Variants in RBMS3 observed in about 807,000 individuals in gnomAD.
RBMS3 encodes RNA binding motif single stranded interacting protein 3.
Under a neutral mutation model 66.8 loss-of-function variants are expected in RBMS3, and 27 were observed. That is an observed-to-expected ratio of 0.40 (90% CI 0.30 to 0.56). The LOEUF is 0.56. Among genes scored for constraint, RBMS3 ranks in the 20% least tolerant of loss-of-function variants. The pLI is 0.40. For missense variants in RBMS3, 513 were observed against 549.5 expected (o/e 0.93, Z 0.66); for synonymous variants, 188 against 183.0 (o/e 1.03, Z -0.22).
intron 10 of RBMS3, among the ~76,000 whole-genome samples, 168 bp downstream of exon 10, chr3:29,899,923 A>G (rs1282386871): frequency 1.3e-5 from 2 of 151,778 alleles, no homozygotes; most frequent in Non-Finnish European, 2.9e-5. Flanking sequence ...AGCATGTACA[A>G]TAGATAGCTA....
At chr3:29,916,367 G>A (rs1345449105) in intron 10 of RBMS3, among the ~76,000 whole-genome samples, 1 of 151,870 alleles carries the variant, frequency 6.6e-6, no homozygotes, top group Non-Finnish European at 1.5e-5. Context: ...AATCTCCAGT[G>A]AATATCCATT....
chr3:29,625,322 T>A (rs770065789), intron 4 of RBMS3, among the ~76,000 whole-genome samples: 8 of 152,178 alleles, frequency 5.3e-5, no homozygotes, highest in Admixed American at 6.6e-5. Context: ...TGTGGCATTT[T>A]TGTAACAGAC....
chr3:29,961,976 A>AATATATATTAATATATATAATAT (rs1696481608), intron 12 of RBMS3, among the ~76,000 whole-genome samples: 1 of 141,066 alleles, frequency 7.1e-6, no homozygotes, highest in South Asian at 2.2e-4. Context: ...ATATATGTAT[A>AATATATATTAATATATATAATAT]ATATATATTA....
At chr3:29,993,234 T>G (rs1698996815) in intron 14 of RBMS3, among the ~76,000 whole-genome samples, 1 of 152,206 alleles carries the variant, frequency 6.6e-6, no homozygotes, top group South Asian at 2.1e-4. Context: ...ACATAGCCTG[T>G]GTGAATCACT....
At chr3:29,826,007 T>C (rs146924087) in intron 6 of RBMS3, among the ~76,000 whole-genome samples, 127 of 152,342 alleles carry the variant, frequency 8.3e-4, no homozygotes, top group African/African-American at 2.9e-3. Context: ...CTTGTCATGA[T>C]AATAAATGAT....
intron 4 of RBMS3, among the ~76,000 whole-genome samples, chr3:29,588,569 C>T (rs973203802): frequency 1.6e-4 from 25 of 152,000 alleles, no homozygotes; most frequent in African/African-American, 5.6e-4. Context: ...AAGTCACTTC[C>T]CATATAGATT....
At chr3:29,609,867 AC>A (rs901798687) in intron 4 of RBMS3, among the ~76,000 whole-genome samples, 1 of 152,008 alleles carries the variant, frequency 6.6e-6, no homozygotes, top group Non-Finnish European at 1.5e-5. Context: ...GGATTCGTGC[AC>A]AAAAAGGGAA....
intron 10 of RBMS3, among the ~76,000 whole-genome samples, chr3:29,916,482 TA>T (rs773858717): frequency 6.6e-6 from 1 of 151,970 alleles, no homozygotes; most frequent in Non-Finnish European, 1.5e-5. Flanking sequence ...TTGCTTTTTT[TA>T]GAAAACTTAC....
At chr3:29,509,515 G>A (rs1423555919) in intron 3 of RBMS3, among the ~76,000 whole-genome samples, 1 of 152,108 alleles carries the variant, frequency 6.6e-6, no homozygotes, top group Non-Finnish European at 1.5e-5. Context: ...TAGCAGATTT[G>A]GGATATAAAT....
At chr3:29,841,066 T>A (rs190344690) in intron 6 of RBMS3, among the ~76,000 whole-genome samples, 2 of 152,138 alleles carry the variant, frequency 1.3e-5, no homozygotes, top group Admixed American at 1.3e-4. Context: ...GTCATGATAT[T>A]GTTTTATGAT....
chr3:29,500,214 T>G (rs1317533994), intron 3 of RBMS3, among the ~76,000 whole-genome samples: 4 of 151,498 alleles, frequency 2.6e-5, no homozygotes, highest in Non-Finnish European at 5.9e-5. Flanking sequence ...GTGAGAAAAT[T>G]CCTAATTTCA....
At chr3:29,597,148 T>C (rs1422464211) in intron 4 of RBMS3, among the ~76,000 whole-genome samples, 1 of 152,232 alleles carries the variant, frequency 6.6e-6, no homozygotes, top group East Asian at 1.9e-4. Context: ...CACTTGCATA[T>C]ATTTACATGT....
chr3:29,349,293 C>G (rs748901113), intron 1 of RBMS3, among the ~76,000 whole-genome samples: 8 of 152,208 alleles, frequency 5.3e-5, no homozygotes, highest in Non-Finnish European at 1.0e-4. Context: ...CGTACTCTCT[C>G]TATTCCTCTG....
chr3:29,721,817 C>T (rs115543883), intron 4 of RBMS3, among the ~76,000 whole-genome samples: 212 of 152,212 alleles, frequency 1.4e-3, no homozygotes, highest in Non-Finnish European at 2.5e-3. Context: ...TTATGTGGCT[C>T]TTCTTTTATT....
chr3:29,873,126 G>C (rs968433599), intron 7 of RBMS3, among the ~76,000 whole-genome samples: 1 of 152,114 alleles, frequency 6.6e-6, no homozygotes, highest in Non-Finnish European at 1.5e-5. Context: ...TTCTAGTTCT[G>C]TGAATAATGT....
intron 8 of RBMS3, among the ~76,000 whole-genome samples, chr3:29,886,182 T>C (rs2059865585): frequency 6.6e-6 from 1 of 151,900 alleles, no homozygotes; most frequent in Non-Finnish European, 1.5e-5. Context: ...TCATCTACTA[T>C]CCAGATTATT....
At chr3:29,458,178 G>T (rs566873354) in intron 2 of RBMS3, among the ~76,000 whole-genome samples, 2 of 152,152 alleles carry the variant, frequency 1.3e-5, no homozygotes, top group African/African-American at 4.8e-5. Flanking sequence ...CAGATGAAGA[G>T]TATGTCTTAT....
intron 6 of RBMS3, among the ~76,000 whole-genome samples, chr3:29,843,096 A>G (rs1230977060): frequency 6.6e-6 from 1 of 152,210 alleles, no homozygotes; most frequent in African/African-American, 2.4e-5. Flanking sequence ...TCAAGCATCT[A>G]TGATAGTGCT....
chr3:29,343,161 G>C (rs1039126208), intron 1 of RBMS3, among the ~76,000 whole-genome samples: 8 of 152,188 alleles, frequency 5.3e-5, no homozygotes, highest in African/African-American at 1.9e-4. Flanking sequence ...CTAAGGAAGA[G>C]CTTCCATGCG....
Sources: allele counts gnomAD v4.1 joint callset (sites outside exome capture counted in the v4.1 genomes callset), GRCh38; gene constraint gnomAD v4.1.1; transcripts MANE v1.5; gene names NCBI Gene and HGNC (gene_info 2026-07-23, HGNC 2026-07-21).